The following EYS variants were observed in gnomAD, a reference collection of about 807,000 sequenced individuals.
The protein encoded by EYS is protein eyes shut homolog.
Under a neutral mutation model 282.1 loss-of-function variants are expected in EYS, and 250 were observed. That is an observed-to-expected ratio of 0.89 (90% CI 0.80 to 0.98). The LOEUF (loss-of-function observed/expected upper bound fraction) is 0.98, where lower values mean the gene tolerates loss of function less well. EYS is among the 50% of genes least tolerant of loss of function. The pLI is 0.00. For missense variants in EYS, 4,016 were observed against 3,709.0 expected, an observed-to-expected ratio of 1.08 and a Z score of -2.15; for synonymous variants, 1,355 against 1,282.9, an observed-to-expected ratio of 1.06 and a Z score of -1.20.
intron 39 of EYS, chr6:63,786,020 A>G (rs964318063): frequency 7.2e-5 from 11 of 152,120 alleles, no homozygotes; most frequent in African/African-American, 2.7e-4. Flanking sequence ...TACAATTTAA[A>G]GCATGTCTTT....
intron 13 of EYS, among the ~76,000 whole-genome samples, chr6:65,020,847 C>G (rs946873505): frequency 1.3e-5 from 2 of 152,186 alleles, no homozygotes; most frequent in Non-Finnish European, 2.9e-5. Context: ...TGAGTGCCTG[C>G]AGGACCAACA....
At chr6:64,714,428 C>A (rs1771307545) in intron 22 of EYS, among the ~76,000 whole-genome samples, 1 of 151,366 alleles carries the variant, frequency 6.6e-6, no homozygotes, top group Admixed American at 6.6e-5. Flanking sequence ...TGTCAACAGA[C>A]AAGTTTTTAA....
At chr6:64,259,561 T>C (rs189593389) in intron 30 of EYS, among the ~76,000 whole-genome samples, 82 of 151,894 alleles carry the variant, frequency 5.4e-4, no homozygotes, top group Admixed American at 2.6e-4. Flanking sequence ...GGAGCCTAAC[T>C]TTGATATGTG....
At chr6:64,420,826 T>A (rs907754570) in intron 28 of EYS, among the ~76,000 whole-genome samples, 1 of 152,208 alleles carries the variant, frequency 6.6e-6, no homozygotes, top group Non-Finnish European at 1.5e-5. Context: ...TTCCTCTCCA[T>A]CTGAGACCAC....
intron 14 of EYS, among the ~76,000 whole-genome samples, chr6:64,980,399 T>C (rs1295601792): frequency 6.6e-6 from 1 of 151,484 alleles, no homozygotes; most frequent in African/African-American, 2.4e-5. Context: ...TTTAAATTAG[T>C]CTGTAGCCTC....
chr6:63,814,899 C>T (rs1771141171), intron 36 of EYS, among the ~76,000 whole-genome samples: 1 of 152,128 alleles, frequency 6.6e-6, no homozygotes, highest in Non-Finnish European at 1.5e-5. Context: ...ATTACATTCC[C>T]TTGGTTAGTA....
At chr6:65,214,865 C>A (rs1050630579) in intron 12 of EYS, among the ~76,000 whole-genome samples, 1 of 152,084 alleles carries the variant, frequency 6.6e-6, no homozygotes, top group Non-Finnish European at 1.5e-5. Context: ...GTTATTTCTA[C>A]TCTGCTTGTG....
intron 22 of EYS, among the ~76,000 whole-genome samples, chr6:64,739,064 T>A (rs1314368742): frequency 6.6e-6 from 1 of 152,192 alleles, no homozygotes; most frequent in Non-Finnish European, 1.5e-5. Flanking sequence ...TTAACAGTAC[T>A]TTTTTCTTCC....
chr6:64,336,389 C>T (rs1770852004), intron 29 of EYS, among the ~76,000 whole-genome samples: 1 of 151,998 alleles, frequency 6.6e-6, no homozygotes, highest in Non-Finnish European at 1.5e-5. Flanking sequence ...CAAAGAGGGA[C>T]ATTATATAAA....
intron 26 of EYS, among the ~76,000 whole-genome samples, chr6:64,545,881 C>G (rs978264292): frequency 6.6e-6 from 1 of 152,124 alleles, no homozygotes; most frequent in Non-Finnish European, 1.5e-5. Context: ...AGGATACAAA[C>G]AAATGGAAGA....
intron 35 of EYS, among the ~76,000 whole-genome samples, chr6:63,939,283 G>A (rs1461513090): frequency 5.3e-5 from 8 of 152,036 alleles, no homozygotes; most frequent in Non-Finnish European, 7.4e-5. Context: ...GGGATACCAA[G>A]TTTGTAAAAT....
chr6:64,633,840 C>T (rs544776819), intron 22 of EYS, among the ~76,000 whole-genome samples: 51 of 151,632 alleles, frequency 3.4e-4, no homozygotes, highest in Non-Finnish European at 7.4e-5. Flanking sequence ...ATCTTTCAAC[C>T]CCATGTGGGT....
intron 1 of EYS, among the ~76,000 whole-genome samples, chr6:65,702,625 G>A (rs979814409): frequency 6.6e-6 from 1 of 152,188 alleles, no homozygotes; most frequent in Non-Finnish European, 1.5e-5. Context: ...CTGGGAGGTG[G>A]TGGTTGCAGT....
chr6:63,895,161 G>C (rs1232718743), intron 35 of EYS, among the ~76,000 whole-genome samples: 1 of 143,838 alleles, frequency 7.0e-6, no homozygotes, highest in East Asian at 2.0e-4. Context: ...AAAAAAAAAA[G>C]AATGGAGGCA....
In EYS at chr6:64,306,967, T is replaced by C. The variant is rs1225899212; in HGVS notation, c.6191+3A>G. 7.2e-7 allele frequency: 1 copy of C among 1,382,232 alleles called. No homozygotes were observed. Among genetic ancestry groups the C allele is most frequent in the Non-Finnish European group, 1.0e-6 (1 of 996,092 alleles). The allele number at this position is 1,382,232 out of a possible 1,614,324, so 85.6% of individuals were successfully genotyped here. On this transcript the variant is annotated splice_donor_region_variant and intron_variant, in intron 30 of 42. Coordinates refer to ENST00000503581, the MANE Select transcript of EYS (RefSeq NM_001142800.2). ...ATTAGAAAAATCACTACTGCTATTT[T>C]ACCTGCAATTGTTAATGTGATAGTT...
intron 12 of EYS, among the ~76,000 whole-genome samples, chr6:65,176,842 A>T (rs1452619674): frequency 6.6e-6 from 1 of 151,736 alleles, no homozygotes; most frequent in Non-Finnish European, 1.5e-5. Context: ...AGTTGCAGTA[A>T]AATACATGCT....
intron 35 of EYS, among the ~76,000 whole-genome samples, chr6:63,980,635 A>T (rs954184985): frequency 1.3e-5 from 2 of 152,038 alleles, no homozygotes; most frequent in Non-Finnish European, 2.9e-5. Flanking sequence ...GAAAGGCTGA[A>T]TATTAACACA....
intron 14 of EYS, among the ~76,000 whole-genome samples, chr6:64,967,651 T>C (rs1770144882): frequency 6.6e-6 from 1 of 152,090 alleles, no homozygotes; most frequent in Non-Finnish European, 1.5e-5. Flanking sequence ...CATCATTCCA[T>C]TCAGTACACC....
At chr6:64,974,286 T>C (rs969560923) in intron 14 of EYS, among the ~76,000 whole-genome samples, 26 of 151,838 alleles carry the variant, frequency 1.7e-4, no homozygotes, top group African/African-American at 6.3e-4. Context: ...GACTATTGGG[T>C]TAACTTACAA....
Sources: allele counts gnomAD v4.1 joint callset (sites outside exome capture counted in the v4.1 genomes callset), GRCh38; gene constraint gnomAD v4.1.1; transcripts MANE v1.5; gene names NCBI Gene and HGNC (gene_info 2026-07-23, HGNC 2026-07-21).